The following ITIH3 variants were observed in gnomAD, a reference collection of about 807,000 sequenced individuals.
The protein encoded by ITIH3 is inter-alpha-trypsin inhibitor heavy chain H3.
In ITIH3, 81 loss-of-function variants were observed where a neutral mutation model predicts 96.5. That is an observed-to-expected ratio of 0.84 (90% confidence interval 0.70 to 1.01). The LOEUF (loss-of-function observed/expected upper bound fraction) is 1.01. Among genes scored for constraint, ITIH3 ranks in the 50% least tolerant of loss-of-function variants. The pLI, the probability that ITIH3 is intolerant of heterozygous loss-of-function variation, is 0.00. For missense variants in ITIH3, 1,057 were observed against 1,139.3 expected, an observed-to-expected ratio of 0.93 and a Z score of 1.04; for synonymous variants, 422 against 445.2, an observed-to-expected ratio of 0.95 and a Z score of 0.66.
Position 52,795,568 on chromosome 3 carries a change from G to A in ITIH3, c.94-35G>A, listed in dbSNP as rs756751781. On this transcript the variant is annotated intron_variant, in intron 1 of 21. Coordinates refer to ENST00000449956, the MANE Select transcript of ITIH3 (RefSeq NM_002217.4). ...GCGGCCTTGGTGTTGGCCTTGGCCT[G>A]ATTCCTGTGTTTGTGTTTGTTTTTG... is the stretch of plus-strand genomic sequence containing the variant. 6.2e-6 allele frequency: 10 copies of A among 1,602,236 alleles called. No homozygotes were observed. In the East Asian group the frequency reaches 1.8e-4, roughly 29 times the overall value.
In ITIH3 at chr3:52,800,721, G is replaced by A. The variant is rs894807068; in HGVS notation, c.1201+58G>A. On this transcript the variant is annotated intron_variant, in intron 10 of 21. Transcript: ENST00000449956. ...CTGGAGTGCTTGGCTGCTGCTCCTG[G>A]CTCTGTAGCTGGCTCATTGGAAAAC... 1.5e-4 allele frequency: 229 copies of A among 1,573,768 alleles called. No individual in the cohort carries two copies. In the African/African-American group the frequency reaches 2.8e-3, roughly 19 times the overall value.
Position 52,808,727 on chromosome 3 carries a change from G to C in ITIH3, c.*46G>C. The C allele has an allele frequency of 6.3e-7, 1 of 1,588,908 alleles. No homozygotes were observed. On this transcript the variant is annotated 3_prime_UTR_variant, in exon 22 of 22. Coordinates refer to ENST00000449956, the MANE Select transcript of ITIH3 (RefSeq NM_002217.4). ...TGGGATGGATGGCCCGGATTTTATG[G>C]CATCTGGAACATGGGCACAGAGAGG...
Position 52,808,755 on chromosome 3 carries a change from C to A in ITIH3, c.*74C>A. The stretch of plus-strand genomic sequence containing the variant: ...TCTGGAACATGGGCACAGAGAGGGG[C>A]CTGTGGGAGGGGCTGGGAAAATAAA... On this transcript the variant is annotated 3_prime_UTR_variant, in exon 22 of 22. Transcript: ENST00000449956. The A allele has an allele frequency of 6.4e-7, 1 of 1,552,970 alleles. No homozygotes were observed. Among genetic ancestry groups the A allele is most frequent in the Non-Finnish European group, 8.9e-7 (1 of 1,129,886 alleles).
At chr3:52,804,825 G>T in intron 15 of ITIH3, 91 bp downstream of exon 15, 1 of 1,393,608 alleles carries the variant, frequency 7.2e-7, no homozygotes, top group Non-Finnish European at 1.0e-6. Context: ...AGGACCCCCA[G>T]CCATGGGGGC....
chr3:52,798,912 C>T lies in ITIH3; in HGVS notation c.664-54C>T. On this transcript the variant is annotated intron_variant, in intron 6 of 21. Transcript: ENST00000449956. Reference sequence around the variant, plus strand: ...TCCCTCAGCTAAGGGCTGAGGTCTCCCAGTGGGCAGGCCCTGGCCGAGCTG... The same window carrying T: ...TCCCTCAGCTAAGGGCTGAGGTCTCTCAGTGGGCAGGCCCTGGCCGAGCTG... The T allele has an allele frequency of 2.5e-6, 4 of 1,600,364 alleles. No individual in the cohort carries two copies. In the South Asian group the frequency reaches 4.5e-5, roughly 18 times the overall value.
In ITIH3 at chr3:52,796,790, C is replaced by T. The variant is rs1699603726; in HGVS notation, c.333C>T (p.Ala111=). 1.9e-6 allele frequency: 3 copies of T among 1,612,872 alleles called. No individual in the cohort carries two copies. In the Admixed American group the frequency reaches 5.0e-5, roughly 27 times the overall value. Residue 111 remains alanine, a synonymous_variant, in exon 4 of 22, where the codon GCC becomes GCT. Transcript: ENST00000449956. The part of the protein sequence containing the change: ...YPGNVKEKEV[A]KKQYEKAVSQ... The stretch of plus-strand genomic sequence containing the variant: ...GGAATGTCAAGGAGAAGGAAGTTGC[C>T]AAGAAGCAGTATGAAAAGGCTGTGT...
intron 20 of ITIH3, 45 bp from the exon 21 acceptor site, chr3:52,808,065 G>A (rs370393952): frequency 1.8e-5 from 28 of 1,595,672 alleles, no homozygotes; most frequent in African/African-American, 1.5e-4. Context: ...CACGTTACCC[G>A]TGGCAATGGC....
Position 52,796,967 on chromosome 3 carries a change from C to T in ITIH3, c.386+124C>T, listed in dbSNP as rs1261787507. The T allele has an allele frequency of 9.7e-6, 12 of 1,235,514 alleles. No homozygotes were observed. In the South Asian group the frequency reaches 1.5e-4, roughly 15 times the overall value. 76.5% of individuals were successfully genotyped at this position (1,235,514 alleles called of 1,614,324 possible). A position where few individuals can be genotyped will look rare whatever the true frequency, so the allele number is the denominator to read the frequency against. ...ATGTGCCCATAATTTTGCCATTATC[C>T]CACGTTGAGGCTGAGGCAAGTGAGG... is the stretch of plus-strand genomic sequence containing the variant. On this transcript the variant is annotated intron_variant, in intron 4 of 21. Coordinates refer to ENST00000449956, the MANE Select transcript of ITIH3 (RefSeq NM_002217.4).
intron 18 of ITIH3, 61 bp downstream of exon 18, chr3:52,806,467 C>A: frequency 7.7e-7 from 1 of 1,290,844 alleles, no homozygotes; most frequent in South Asian, 1.3e-5. Flanking sequence ...TTGGGTCCCC[C>A]GAGGTAGGCA....
At chr3:52,806,769 T>G in intron 18 of ITIH3, 132 bp from the exon 19 acceptor site, 1 of 726,336 alleles carries the variant, frequency 1.4e-6, no homozygotes, top group South Asian at 1.7e-5. Flanking sequence ...GGCTCTGAAG[T>G]CCTGGTCTCT....
Position 52,804,465 on chromosome 3 carries a change from G to A in ITIH3, c.1865-261G>A, listed in dbSNP as rs1699964330. 1.0e-5 allele frequency: 5 copies of A among 499,688 alleles called. No individual in the cohort carries two copies. The East Asian group carries it at 1.8e-4, about 17-fold the overall frequency. 31.0% of individuals were successfully genotyped at this position (499,688 alleles called of 1,614,324 possible). ...CAACAGGGGGTCCCAAATGCCCACT[G>A]CAACTAGGTACAGGGTCTGTGTGTG... On this transcript the variant is annotated intron_variant, in intron 14 of 21. Coordinates refer to ENST00000449956, the MANE Select transcript of ITIH3 (RefSeq NM_002217.4).
intron 12 of ITIH3, 44 bp from the exon 13 acceptor site, chr3:52,802,623 C>T (rs1340009798): frequency 6.2e-7 from 1 of 1,613,044 alleles, no homozygotes; most frequent in Admixed American, 1.7e-5. Flanking sequence ...GAACCTGATC[C>T]ACCCAAGCCT....
intron 13 of ITIH3, 44 bp downstream of exon 13, chr3:52,802,850 G>A (rs1267317172): frequency 6.8e-6 from 11 of 1,608,268 alleles, no homozygotes; most frequent in Middle Eastern, 1.7e-4. Context: ...CCCTGGCTGG[G>A]CTCCAATGCA....
At chr3:52,796,917 C>T in intron 4 of ITIH3, 74 bp downstream of exon 4, 1 of 1,206,920 alleles carries the variant, frequency 8.3e-7, no homozygotes, top group East Asian at 2.5e-5. Flanking sequence ...ACAACAACAA[C>T]AGCTATTATT....
chr3:52,807,232 A>G, intron 19 of ITIH3, 127 bp downstream of exon 19: 1 of 842,750 alleles, frequency 1.2e-6, no homozygotes, highest in Non-Finnish European at 1.8e-6. Context: ...GAGACCCCAG[A>G]ATCCAGTCTC....
intron 15 of ITIH3, chr3:52,805,377 G>A: frequency 9.7e-7 from 1 of 1,031,810 alleles, no homozygotes; most frequent in Non-Finnish European, 1.2e-6. Context: ...GTGCATGTGA[G>A]TACATATATG....
At chr3:52,800,024 C>T (rs1699760527) in intron 9 of ITIH3, 103 bp downstream of exon 9, 3 of 1,116,018 alleles carry the variant, frequency 2.7e-6, no homozygotes, top group Admixed American at 2.4e-5. Flanking sequence ...CTCAGGCCCT[C>T]TTCAGATCTG....
In ITIH3 at chr3:52,802,768, C is replaced by T. The variant is rs1699885666; in HGVS notation, c.1671C>T (p.Leu557=). 1.2e-6 allele frequency: 2 copies of T among 1,614,002 alleles called. No individual in the cohort carries two copies. The highest frequency in any genetic ancestry group is 1.7e-6 in the Non-Finnish European group (2 of 1,179,872). ...TCTTCGGGAATTACATTGAGCGGCT[C>T]TGGGCCTACCTCACCATTGAGCAGC... ...DYIFGNYIER[L]WAYLTIEQLL... is the part of the protein sequence containing the mutation. The change falls in exon 13 of 22, where the codon CTC becomes CTT. Residue 557 remains leucine (L), a synonymous_variant. Coordinates refer to ENST00000449956, the MANE Select transcript of ITIH3 (RefSeq NM_002217.4).
chr3:52,807,305 G>C (rs1411121718), intron 19 of ITIH3, among the ~76,000 whole-genome samples, 200 bp downstream of exon 19: 1 of 152,222 alleles, frequency 6.6e-6, no homozygotes, highest in Non-Finnish European at 1.5e-5. Flanking sequence ...ATCAGAGCCA[G>C]AATTGGTAGC....
Sources: gnomAD v4.1 joint callset for allele counts (sites outside exome capture counted in the v4.1 genomes callset) on GRCh38, gnomAD v4.1.1 for gene constraint, MANE v1.5 for transcripts, NCBI Gene and HGNC (gene_info 2026-07-23, HGNC 2026-07-21) for gene names.